LARP6: variants seen among roughly 807,000 people sequenced by gnomAD.
The protein encoded by LARP6 is la-related protein 6.
Under a neutral mutation model 32.8 loss-of-function variants are expected in LARP6, and 18 were observed. That is an observed-to-expected ratio of 0.55 (90% CI 0.38 to 0.81). The LOEUF (loss-of-function observed/expected upper bound fraction) is 0.81, where lower values mean the gene tolerates loss of function less well. LARP6 is among the 40% of genes least tolerant of loss of function. LARP6 has a pLI of 0.00. For missense variants in LARP6, 598 were observed against 663.1 expected (o/e 0.90, Z 1.08); for synonymous variants, 289 against 267.2 (o/e 1.08, Z -0.80).
chr15:70,853,903 C>A lies in LARP6; in HGVS notation c.186G>T (p.Pro62=), dbSNP rs1284254722. 1 of 1,342,390 alleles carries A rather than the reference C, an allele frequency of 7.4e-7. No homozygotes were observed. The highest frequency in any genetic ancestry group is 3.2e-5 in the Admixed American group (1 of 31,578). 83.2% of individuals were successfully genotyped at this position (1,342,390 alleles called of 1,614,324 possible). ...GCCGCGCCTACCTGTGCCCGCGGCT[C>A]GGCTCCTCCTCGCTCGCGCTGCCCC... The part of the protein sequence containing the change: ...PGWGSASEEE[P]SRGHSGTTAS... The change falls in exon 1 of 3, where the codon CCG becomes CCT. Residue 62 remains proline, a synonymous_variant. Coordinates refer to ENST00000299213, the MANE Select transcript of LARP6 (RefSeq NM_018357.4).
intron 2 of LARP6, among the ~76,000 whole-genome samples, chr15:70,834,771 GA>G (rs2032117199): frequency 2.0e-5 from 3 of 152,244 alleles, no homozygotes; most frequent in Non-Finnish European, 4.4e-5. Context: ...TAGCACCTGA[GA>G]AAAGGGACCA....
rs190903810 is a variant in LARP6, at chr15:70,829,225, G to T, written c.*2827C>A. 1 of 152,178 alleles carries T rather than the reference G, an allele frequency of 6.6e-6. No homozygotes were observed. Among genetic ancestry groups the T allele is most frequent in the Admixed American group, 6.5e-5 (1 of 15,268 alleles). The allele number at this position is 152,178 out of a possible 1,614,324, so 9.4% of individuals were successfully genotyped here. On this transcript the variant is annotated 3_prime_UTR_variant, in exon 3 of 3. Transcript: ENST00000299213. Reference sequence around the variant, plus strand: ...GTGATCTCGGCTCACTGCAACCTCCGCCTCCCAGGTTCAAGCAATTCTCCT... The same window carrying T: ...GTGATCTCGGCTCACTGCAACCTCCTCCTCCCAGGTTCAAGCAATTCTCCT...
At position 70,832,044 on chromosome 15, in the gene LARP6, G is replaced by A; in HGVS notation, c.*8C>T. The A allele has an allele frequency of 6.9e-7, 1 of 1,458,316 alleles. No individual in the cohort carries two copies. Among genetic ancestry groups the A allele is most frequent in the South Asian group, 1.6e-5 (1 of 64,064 alleles). The allele number at this position is 1,458,316 out of a possible 1,614,324, so 90.3% of individuals were successfully genotyped here. Reference sequence around the variant, plus strand: ...TTCAGTGGAGCTTGTATTAAAAATAGAAGGTATTTATACACAGGCCCTGCT... The same window carrying A: ...TTCAGTGGAGCTTGTATTAAAAATAAAAGGTATTTATACACAGGCCCTGCT... On this transcript the variant is annotated 3_prime_UTR_variant, in exon 3 of 3. Transcript: ENST00000299213.
Position 70,829,513 on chromosome 15 carries a change from C to G in LARP6, c.*2539G>C, listed in dbSNP as rs2032002648. On this transcript the variant is annotated 3_prime_UTR_variant, in exon 3 of 3. Transcript: ENST00000299213. Reference sequence around the variant, plus strand: ...GGTTAAGAATTGCAGCAAAAGGAGGCTTGCCTTTGGAGGTGATGATCAGAC... The same window carrying G: ...GGTTAAGAATTGCAGCAAAAGGAGGGTTGCCTTTGGAGGTGATGATCAGAC... The G allele has an allele frequency of 6.6e-6, 1 of 152,284 alleles. No individual in the cohort carries two copies. Among genetic ancestry groups the G allele is most frequent in the African/African-American group, 2.4e-5 (1 of 41,454 alleles). The allele number at this position is 152,284 out of a possible 1,614,324, so 9.4% of individuals were successfully genotyped here.
chr15:70,833,948 T>C (rs2032101467), intron 2 of LARP6, among the ~76,000 whole-genome samples: 1 of 152,168 alleles, frequency 6.6e-6, no homozygotes, highest in African/African-American at 2.4e-5. Context: ...ATGGAAGCTA[T>C]ATTTATACTG....
chr15:70,854,039 T>C lies in LARP6; in HGVS notation c.50A>G (p.Gln17Arg), dbSNP rs1248941223. The C allele has an allele frequency of 1.4e-6, 2 of 1,441,060 alleles. No individual in the cohort carries two copies. Among genetic ancestry groups the C allele is most frequent in the Admixed American group, 2.5e-5 (1 of 40,266 alleles). 89.3% of individuals were successfully genotyped at this position (1,441,060 alleles called of 1,614,324 possible). A position where few individuals can be genotyped will look rare whatever the true frequency, so the allele number is the denominator to read the frequency against. ...GGCCTCCTGGATGGCGACGCGGATC[T>C]GCACCGCCGTCTTGGGCCCGGGCCG... Reference protein sequence around the residue: ...EARPGPKTAVQIRVAIQEAED... With the variant: ...EARPGPKTAVRIRVAIQEAED... The change falls in exon 1 of 3, where the codon CAG becomes CGG. Residue 17 changes from glutamine (Q) to arginine (R), a missense_variant. Gln to Arg is a conservative substitution (Grantham distance 43, BLOSUM62 1). Around this residue, in one of 3 missense-constraint regions of LARP6, gnomAD observed 161 missense variants for 148.6 expected, o/e 1.08. Coordinates refer to ENST00000299213, the MANE Select transcript of LARP6 (RefSeq NM_018357.4).
chr15:70,846,673 G>C (rs1294791948), intron 1 of LARP6, among the ~76,000 whole-genome samples: 1 of 142,246 alleles, frequency 7.0e-6, no homozygotes, highest in Non-Finnish European at 1.6e-5. Flanking sequence ...AACCAACAAA[G>C]TCTTCAGCTC....
chr15:70,835,934 A>C (rs564303853), intron 2 of LARP6, among the ~76,000 whole-genome samples: 7 of 152,262 alleles, frequency 4.6e-5, no homozygotes, highest in African/African-American at 1.7e-4. Context: ...AATTTCATAT[A>C]ATTTTAGGCC....
Position 70,832,540 on chromosome 15 carries a change from T to G in LARP6, c.988A>C (p.Met330Leu), listed in dbSNP as rs375907844. ...CTGTTGGCAGAAGACTCATCACCCA[T>G]GTACTGAAGCTCCTCGACTCTCTTG... Reference protein sequence around the residue: ...LNKRVEELQYMGDESSANSSS... With the variant: ...LNKRVEELQYLGDESSANSSS... Residue 330 changes from methionine to leucine, a missense_variant, in exon 3 of 3, where the codon ATG (methionine) becomes CTG (leucine). By Grantham distance (15) the Met-to-Leu change is conservative. This residue lies in a region of LARP6 where 368 missense variants were observed against 397.9 expected (regional missense o/e 0.92). Coordinates refer to ENST00000299213, the MANE Select transcript of LARP6 (RefSeq NM_018357.4). 1 of 1,559,658 alleles carries G rather than the reference T, an allele frequency of 6.4e-7. No individual in the cohort carries two copies. The highest frequency in any genetic ancestry group is 8.6e-7 in the Non-Finnish European group (1 of 1,158,026).
chr15:70,843,649 C>CTTTTT (rs67996815), intron 1 of LARP6, among the ~76,000 whole-genome samples: 133 of 80,580 alleles, frequency 1.7e-3, no homozygotes, highest in African/African-American at 1.9e-3. Flanking sequence ...GTTTTGGTGT[C>CTTTTT]TTTTTTTTTT....
chr15:70,837,448 C>T (rs559343183), intron 1 of LARP6, among the ~76,000 whole-genome samples: 2 of 152,302 alleles, frequency 1.3e-5, no homozygotes, highest in Middle Eastern at 3.4e-3. Context: ...CGCTCTGCCA[C>T]GGGCAAAATG....
chr15:70,835,504 G>A (rs1307167192), intron 2 of LARP6, among the ~76,000 whole-genome samples: 2 of 152,208 alleles, frequency 1.3e-5, no homozygotes, highest in African/African-American at 4.8e-5. Context: ...CAGTGGGTGA[G>A]GCAGGGAAGA....
intron 1 of LARP6, among the ~76,000 whole-genome samples, chr15:70,844,492 A>G (rs1364285281): frequency 6.6e-6 from 1 of 152,078 alleles, no homozygotes; most frequent in African/African-American, 2.4e-5. Flanking sequence ...TTATCTATAG[A>G]TACATACTGA....
chr15:70,851,681 C>A (rs755192640), intron 1 of LARP6: 1 of 1,614,098 alleles, frequency 6.2e-7, no homozygotes. Flanking sequence ...ATACAATGAA[C>A]GAAGCAAGCA....
chr15:70,847,371 A>ATT (rs893881453), intron 1 of LARP6, among the ~76,000 whole-genome samples: 6 of 145,132 alleles, frequency 4.1e-5, no homozygotes, highest in African/African-American at 1.5e-4. Context: ...TCAGTGCTGA[A>ATT]TTTTTTTTTT....
chr15:70,852,227 C>G (rs147402401), intron 1 of LARP6: 2 of 452,638 alleles, frequency 4.4e-6, no homozygotes, highest in Non-Finnish European at 8.9e-6. Context: ...GTCAGCTCAC[C>G]GAAGAACCCC....
At chr15:70,840,723 G>A (rs907716692) in intron 1 of LARP6, among the ~76,000 whole-genome samples, 15 of 152,072 alleles carry the variant, frequency 9.9e-5, no homozygotes, top group African/African-American at 1.4e-4. Flanking sequence ...ATTGGCAAAT[G>A]GTCTAACTTA....
chr15:70,838,912 C>CAAAA (rs1555422818), intron 1 of LARP6, among the ~76,000 whole-genome samples: 8 of 102,902 alleles, frequency 7.8e-5, no homozygotes, highest in East Asian at 2.7e-4. Flanking sequence ...CTCAGCCTCA[C>CAAAA]AAAAAAAAAA....
At chr15:70,850,398 A>T (rs1334791282) in intron 1 of LARP6, among the ~76,000 whole-genome samples, 2 of 152,226 alleles carry the variant, frequency 1.3e-5, no homozygotes, top group Non-Finnish European at 2.9e-5. Context: ...CAAACAAGGA[A>T]AACTATGGGC....
Sources: gnomAD v4.1 joint callset for allele counts (sites outside exome capture counted in the v4.1 genomes callset) on GRCh38, gnomAD v4.1.1 for gene constraint, gnomAD v4.1.1 regional missense constraint, MANE v1.5 for transcripts, NCBI Gene and HGNC (gene_info 2026-07-23, HGNC 2026-07-21) for gene names.